The following PEX10 variants were observed in gnomAD, a reference collection of about 807,000 sequenced individuals.
PEX10 encodes the protein peroxisomal biogenesis factor 10, also known as peroxisome biogenesis factor 10.
In PEX10, 32 loss-of-function variants were observed where a neutral mutation model predicts 38.0. That is an observed-to-expected ratio of 0.84 (90% CI 0.63 to 1.13). The LOEUF (loss-of-function observed/expected upper bound fraction) is 1.13. PEX10 is among the 50% of genes most tolerant of loss of function. PEX10 has a pLI of 0.00. For missense variants in PEX10, 483 were observed against 457.7 expected (o/e 1.06, Z -0.51); for synonymous variants, 206 against 207.3 (o/e 0.99, Z 0.05).
rs143794576 is a variant in PEX10, at chr1:2,409,677, C to T, written c.193+694G>A. The T allele has an allele frequency of 4.5e-5, 7 of 154,688 alleles. No homozygotes were observed. The highest frequency in any genetic ancestry group is 9.6e-5 in the African/African-American group (4 of 41,570). The allele number at this position is 154,688 out of a possible 1,614,324, so 9.6% of individuals were successfully genotyped here. ...GAAAGCTATGGGCTTACAAAACTCACGAGCCCCCCGGGGTCATTCTCCCAA... is the reference window on the plus strand; with the variant it reads ...GAAAGCTATGGGCTTACAAAACTCATGAGCCCCCCGGGGTCATTCTCCCAA... On this transcript the variant is annotated intron_variant, in intron 2 of 5. Transcript: ENST00000447513. The surrounding 1 kb of genome is among the most constrained non-coding windows in gnomAD (Gnocchi z 6.2).
At chr1:2,412,579 C>T, upstream of PEX10, 2 of 1,114,896 alleles carry the variant, frequency 1.8e-6, no homozygotes, top group Non-Finnish European at 2.3e-6. Context: ...GATGACGGCA[C>T]GACGTGGCTC....
rs72924936 is a variant in PEX10, at chr1:2,404,303, C to T, written c.*1463G>A. ...CACGTTCAAGCTTGTGTGTCCCTGA[C>T]CCAAGATAGCCAGTGCTGCTCCCAG... On this transcript the variant is annotated 3_prime_UTR_variant, in exon 6 of 6. Coordinates refer to ENST00000447513, the MANE Select transcript of PEX10 (RefSeq NM_002617.4). 1.3e-5 allele frequency: 2 copies of T among 152,392 alleles called. No homozygotes were observed. The highest frequency in any genetic ancestry group is 4.8e-5 in the African/African-American group (2 of 41,590). The allele number at this position is 152,392 out of a possible 1,614,324, so 9.4% of individuals were successfully genotyped here.
At chr1:2,407,035 A>G (rs2100423889) in intron 3 of PEX10, 140 bp from the exon 4 acceptor site, 2 of 1,225,628 alleles carry the variant, frequency 1.6e-6, no homozygotes, top group Admixed American at 4.0e-5. Flanking sequence ...CCCGGCAGAA[A>G]CGATCAAGCC....
Position 2,406,858 on chromosome 1 carries a change from G to A in PEX10, c.638C>T (p.Ala213Val). The change falls in exon 4 of 6, where the codon GCC becomes GTC. Residue 213 changes from alanine to valine, a missense_variant. Physicochemically the swap from Ala to Val is moderately conservative, Grantham distance 64. Transcript: ENST00000447513. ...CCCCAGCAGCCTGTAGCTAACACGG[G>A]CCCTCAGGTCCTCTCCGGGCAGGCT... The part of the protein sequence containing the change: ...VRSLPGEDLR[A>V]RVSYRLLGVI... 1 of 1,609,710 alleles carries A rather than the reference G, an allele frequency of 6.2e-7. No individual in the cohort carries two copies. The highest frequency in any genetic ancestry group is 8.5e-7 in the Non-Finnish European group (1 of 1,178,374).
At chr1:2,412,965 CGGA>C (rs1643322300), upstream of PEX10, among the ~76,000 whole-genome samples, 1 of 152,224 alleles carries the variant, frequency 6.6e-6, no homozygotes, top group Admixed American at 6.5e-5. Context: ...GCTGGGGAGA[CGGA>C]GGCTTTCGCT....
chr1:2,412,579 C>A (rs1257096968), upstream of PEX10: 2 of 1,114,790 alleles, frequency 1.8e-6, no homozygotes, highest in African/African-American at 1.6e-5. Context: ...GATGACGGCA[C>A]GACGTGGCTC....
In PEX10 at chr1:2,410,188, G is replaced by A. The variant is rs754536602; in HGVS notation, c.193+183C>T. 72 of 633,442 alleles carry A rather than the reference G, an allele frequency of 1.1e-4. No homozygotes were observed. The highest frequency in any genetic ancestry group is 1.2e-4 in the Non-Finnish European group (43 of 347,582). 39.2% of individuals were successfully genotyped at this position (633,442 alleles called of 1,614,324 possible). On this transcript the variant is annotated intron_variant, in intron 2 of 5. Transcript: ENST00000447513. The surrounding 1 kb of genome is among the most constrained non-coding windows in gnomAD (Gnocchi z 5.1). ...GGGACACACAAAGGCTGGAAAAGTC[G>A]GCTCCCTGCTGGGAGCAGATGCCTC...
intron 1 of PEX10, 109 bp downstream of exon 1, chr1:2,412,282 T>C: frequency 8.0e-7 from 1 of 1,247,192 alleles, no homozygotes; most frequent in Non-Finnish European, 1.0e-6. Flanking sequence ...TCCCAGGTTG[T>C]GGGACGGGCC....
Position 2,410,346 on chromosome 1 carries a change from C to T in PEX10, c.193+25G>A, listed in dbSNP as rs1262126980. ...CTTGGTGTGTGTGGCTGCCCTCAGTCCTGAGGTCCCGTGGGAGCTTCTACC... is the reference window on the plus strand; with the variant it reads ...CTTGGTGTGTGTGGCTGCCCTCAGTTCTGAGGTCCCGTGGGAGCTTCTACC... On this transcript the variant is annotated intron_variant, in intron 2 of 5. Coordinates refer to ENST00000447513, the MANE Select transcript of PEX10 (RefSeq NM_002617.4). The surrounding 1 kb of genome is among the most constrained non-coding windows in gnomAD (Gnocchi z 5.1). 5.0e-6 allele frequency: 8 copies of T among 1,599,550 alleles called. No individual in the cohort carries two copies. Among genetic ancestry groups the T allele is most frequent in the Admixed American group, 1.7e-5 (1 of 59,986 alleles).
chr1:2,412,355 C>A (rs1643267775), intron 1 of PEX10, 36 bp downstream of exon 1: 3 of 1,349,930 alleles, frequency 2.2e-6, no homozygotes, highest in Non-Finnish European at 2.8e-6. Context: ...CCCCCTGGGC[C>A]GCTCGCGAGG....
Position 2,405,800 on chromosome 1 carries a change from G to A in PEX10, c.947C>T (p.Pro316Leu). The change falls in exon 6 of 6, where the codon CCC becomes CTC. Residue 316 changes from proline (P) to leucine (L), a missense_variant. Pro to Leu is a moderately conservative substitution (Grantham distance 98, BLOSUM62 -3). Coordinates refer to ENST00000447513, the MANE Select transcript of PEX10 (RefSeq NM_002617.4). The part of the protein sequence containing the change: ...ECPLCREKFP[P>L]QKLIYLRHYR ...GTGCCGAAGGTAGATGAGCTTCTGG[G>A]GAGGGAACTTCTCCCGGCAGAGGGG... The A allele has an allele frequency of 6.2e-7, 1 of 1,602,716 alleles. No individual in the cohort carries two copies. The highest frequency in any genetic ancestry group is 8.5e-7 in the Non-Finnish European group (1 of 1,175,086).
At position 2,410,325 on chromosome 1, in the gene PEX10, G is replaced by T. The variant is rs367644095; in HGVS notation, c.193+46C>A. ...CCCCTGGCCACCGTCCCCAGACTTG[G>T]TGTGTGTGGCTGCCCTCAGTCCTGA... On this transcript the variant is annotated intron_variant, in intron 2 of 5. Coordinates refer to ENST00000447513, the MANE Select transcript of PEX10 (RefSeq NM_002617.4). The surrounding 1 kb of genome is among the most constrained non-coding windows in gnomAD (Gnocchi z 5.1). 1.3e-6 allele frequency: 2 copies of T among 1,518,816 alleles called. No homozygotes were observed. The highest frequency in any genetic ancestry group is 1.4e-5 in the African/African-American group (1 of 73,106). The allele number at this position is 1,518,816 out of a possible 1,614,324, so 94.1% of individuals were successfully genotyped here.
At chr1:2,406,423 A>C in intron 5 of PEX10, 61 bp downstream of exon 5, 10 of 1,598,428 alleles carry the variant, frequency 6.3e-6, no homozygotes, top group Non-Finnish European at 8.5e-6. Context: ...TGCTGCAGCC[A>C]GGTGCATCTT....
rs370810788 is a variant in PEX10 at position 2,408,806 on chromosome 1, C to T, written c.246G>A (p.Ser82=). 12 of 1,613,952 alleles carry T rather than the reference C, an allele frequency of 7.4e-6. No individual in the cohort carries two copies. Among genetic ancestry groups the T allele is most frequent in the East Asian group, 2.2e-5 (1 of 44,886 alleles). The change falls in exon 3 of 6, where the codon TCG becomes TCA. Residue 82 remains serine (S), a synonymous_variant. Coordinates refer to ENST00000447513, the MANE Select transcript of PEX10 (RefSeq NM_002617.4). ...GCAGCGAGGAGGGCACATGTATCCGCGATGGGTCCACCTGGATGATGCTGA... is the reference window on the plus strand; with the variant it reads ...GCAGCGAGGAGGGCACATGTATCCGTGATGGGTCCACCTGGATGATGCTGA... ...EYVSIIQVDP[S]RIHVPSSLRR...
At position 2,406,585 on chromosome 1, in the gene PEX10, G is replaced by C; in HGVS notation, c.811C>G (p.Pro271Ala). 1 of 1,613,464 alleles carries C rather than the reference G, an allele frequency of 6.2e-7. No individual in the cohort carries two copies. The highest frequency in any genetic ancestry group is 8.5e-7 in the Non-Finnish European group (1 of 1,179,982). ...TCCTCCAGGCACAGGGTGCACAGGGGGTTTCTGGAAACGGCTCTCTCCTCC... is the reference window on the plus strand; with the variant it reads ...TCCTCCAGGCACAGGGTGCACAGGGCGTTTCTGGAAACGGCTCTCTCCTCC... ...SLEERAVSRN[P>A]LCTLCLEERR... Residue 271 changes from proline (P) to alanine (A), a missense_variant, in exon 5 of 6, where the codon CCC becomes GCC. Transcript: ENST00000447513.
At chr1:2,413,127 C>A (rs1374142715), upstream of PEX10, among the ~76,000 whole-genome samples, 1 of 152,208 alleles carries the variant, frequency 6.6e-6, no homozygotes, top group African/African-American at 2.4e-5. Flanking sequence ...AGACCCGGGA[C>A]CTTCCAGGCC....
chr1:2,412,477 G>C lies in PEX10; in HGVS notation c.26C>G (p.Pro9Arg). The change falls in exon 1 of 6, where the codon CCG becomes CGG. Residue 9 changes from proline to arginine, a missense_variant. Physicochemically the swap from Pro to Arg is moderately radical, Grantham distance 103 (BLOSUM62 -2). Transcript: ENST00000447513. The part of the protein sequence containing the change: MAPAAASP[P>R]EVIRAAQKDE... ...CTTCTGCGCCGCGCGGATCACCTCC[G>C]GGGGGCTGGCGGCGGCCGGGGCCAT... The C allele has an allele frequency of 7.2e-7, 1 of 1,392,412 alleles. No individual in the cohort carries two copies. The allele number at this position is 1,392,412 out of a possible 1,614,324, so 86.3% of individuals were successfully genotyped here.
Position 2,405,641 on chromosome 1 carries a change from A to ATCTT in PEX10, c.*121_*124dup. On this transcript the variant is annotated 3_prime_UTR_variant, in exon 6 of 6. Transcript: ENST00000447513. ...TCTCTCCCAGGGTGGCTAGGTTAGT[A>ATCTT]TCTTACATGACAAAAAACTGAGAGT... 1.1e-6 allele frequency: 1 copy of ATCTT among 891,586 alleles called. No individual in the cohort carries two copies. Among genetic ancestry groups the ATCTT allele is most frequent in the Admixed American group, 2.0e-5 (1 of 50,174 alleles). 55.2% of individuals were successfully genotyped at this position (891,586 alleles called of 1,614,324 possible).
In PEX10 at chr1:2,408,742, A is replaced by C; in HGVS notation, c.310T>G (p.Tyr104Asp). ...VLVTLHAVLP[Y>D]LLDKALLPLE... is the part of the protein sequence containing the mutation. ...GGGAGCAGGGCCTTGTCCAGCAGGT[A>C]GGGCAGGACGGCATGCAGTGTCACC... Residue 104 changes from tyrosine (Y) to aspartate (D), a missense_variant, in exon 3 of 6, where the codon TAC becomes GAC. Transcript: ENST00000447513. 6.2e-7 allele frequency: 1 copy of C among 1,613,892 alleles called. No homozygotes were observed. Among genetic ancestry groups the C allele is most frequent in the Middle Eastern group, 1.7e-4 (1 of 6,060 alleles).
Sources: gnomAD v4.1 joint callset for allele counts (sites outside exome capture counted in the v4.1 genomes callset) on GRCh38, gnomAD v4.1.1 for gene constraint, Gnocchi (gnomAD v3.1) non-coding constraint, MANE v1.5 for transcripts, NCBI Gene and HGNC (gene_info 2026-07-23, HGNC 2026-07-21) for gene names.